The following FBXL16 variants were observed in gnomAD, a reference collection of about 807,000 sequenced individuals.
FBXL16 encodes the protein F-box and leucine rich repeat protein 16, also known as F-box/LRR-repeat protein 16.
In FBXL16, 7 loss-of-function variants were observed where a neutral mutation model predicts 36.7. That is an observed-to-expected ratio of 0.19 (90% CI 0.11 to 0.36). The LOEUF is 0.36. Ranked by LOEUF, FBXL16 falls within the 10% of genes least tolerant of loss-of-function variation. FBXL16 has a pLI of 1.00. For missense variants in FBXL16, 463 were observed against 659.4 expected (o/e 0.70, Z 3.26); for synonymous variants, 355 against 308.7 (o/e 1.15, Z -1.57).
intron 3 of FBXL16, 62 bp downstream of exon 3, chr16:695,343 AGCCCCGCCCC>A (rs947863380): frequency 3.6e-5 from 34 of 944,886 alleles, no homozygotes; most frequent in Admixed American, 5.7e-5. Context: ...GGCCCCGTGC[AGCCCCGCCCC>A]GCCCCGCCCC....
chr16:697,296 T>C lies in FBXL16; in HGVS notation c.110A>G (p.Lys37Arg). Residue 37 changes from lysine (K) to arginine (R), a missense_variant, in exon 2 of 6, where the codon AAG becomes AGG. Lys to Arg is a conservative substitution (Grantham distance 26). Around this residue, in one of 3 missense-constraint regions of FBXL16, gnomAD observed 263 missense variants for 341.1 expected, o/e 0.77. Coordinates refer to ENST00000397621, the MANE Select transcript of FBXL16 (RefSeq NM_153350.4). This position sits in a 1 kb window ranked among gnomAD's most constrained non-coding sequence, Gnocchi z 4.6. ...GCGGTTCTTGGTGGCTGGCGTGCCC[T>C]TGGTGATGCTGGCCGCACCCAGGCC... is the stretch of plus-strand genomic sequence containing the variant. ...PNGLGAASIT[K>R]GTPATKNRPC... is the part of the protein sequence containing the mutation. 6.5e-7 allele frequency: 1 copy of C among 1,531,434 alleles called. No homozygotes were observed. The highest frequency in any genetic ancestry group is 8.7e-7 in the Non-Finnish European group (1 of 1,144,842). The allele number at this position is 1,531,434 out of a possible 1,614,324, so 94.9% of individuals were successfully genotyped here. A position where few individuals can be genotyped will look rare whatever the true frequency, so the allele number is the denominator to read the frequency against.
chr16:697,639 GGTAT>G lies in FBXL16; in HGVS notation c.-14-224_-14-221del, dbSNP rs1297609274. 6.6e-6 allele frequency among the ~76,000 whole-genome samples: 1 copy of G among 152,122 alleles called. No individual in the cohort carries two copies. The highest frequency in any genetic ancestry group is 1.9e-4 in the East Asian group (1 of 5,180). ...CTGGCAGCACTCACTGGGCACCTACGGTATGCACTGAGCCCAACCTTCATTGCCC... is the reference window on the plus strand; with the variant it reads ...CTGGCAGCACTCACTGGGCACCTACGGCACTGAGCCCAACCTTCATTGCCC... On this transcript the variant is annotated intron_variant, in intron 1 of 5. Transcript: ENST00000397621. This position sits in a 1 kb window ranked among gnomAD's most constrained non-coding sequence, Gnocchi z 4.6.
rs1366268000 is a variant in FBXL16 at position 694,124 on chromosome 16, G to A, written c.*151C>T. The A allele has an allele frequency of 7.0e-6, 3 of 430,802 alleles. No individual in the cohort carries two copies. Among genetic ancestry groups the A allele is most frequent in the Non-Finnish European group, 1.1e-5 (3 of 268,224 alleles). 26.7% of individuals were successfully genotyped at this position (430,802 alleles called of 1,614,324 possible). ...GGGCGGAGGGACCGAAGGTCGGGGAGGGGCTTTCCCTCGGCTCGCCCCGCC... is the reference window on the plus strand; with the variant it reads ...GGGCGGAGGGACCGAAGGTCGGGGAAGGGCTTTCCCTCGGCTCGCCCCGCC... On this transcript the variant is annotated 3_prime_UTR_variant, in exon 6 of 6. Transcript: ENST00000397621.
In FBXL16 at chr16:696,859, C is replaced by T; in HGVS notation, c.547G>A (p.Glu183Lys). Residue 183 changes from glutamate (E) to lysine (K), a missense_variant, in exon 2 of 6, where the codon GAG becomes AAG. Glu to Lys is a moderately conservative substitution (Grantham distance 56, BLOSUM62 1). Coordinates refer to ENST00000397621, the MANE Select transcript of FBXL16 (RefSeq NM_153350.4). ...GAGAGCGCATAGTTGTCAATGAACT[C>T]ACAGATGTCCAGGTCGGAGACGCCA... Reference protein sequence around the residue: ...LVGVSDLDICEFIDNYALSKK... With the variant: ...LVGVSDLDICKFIDNYALSKK... 6.2e-7 allele frequency: 1 copy of T among 1,607,742 alleles called. No homozygotes were observed.
Position 696,946 on chromosome 16 carries a change from C to T in FBXL16, c.460G>A (p.Glu154Lys), listed in dbSNP as rs2040016970. ...CCCTGCAGGTTCACGAACTCCTTCT[C>T]GCCACCAGGCAGCACGTTGTAGAGC... is the stretch of plus-strand genomic sequence containing the variant. ...KELYNVLPGG[E>K]KEFVNLQGFA... The change falls in exon 2 of 6, where the codon GAG becomes AAG. Residue 154 changes from glutamate (E) to lysine (K), a missense_variant. By Grantham distance (56) the Glu-to-Lys change is moderately conservative (BLOSUM62 1). Transcript: ENST00000397621. 3.1e-6 allele frequency: 5 copies of T among 1,603,824 alleles called. No individual in the cohort carries two copies. Among genetic ancestry groups the T allele is most frequent in the South Asian group, 2.2e-5 (2 of 89,326 alleles).
chr16:694,519 G>A, intron 5 of FBXL16, 96 bp from the exon 6 acceptor site: 1 of 1,511,158 alleles, frequency 6.6e-7, no homozygotes, highest in Non-Finnish European at 8.9e-7. Context: ...CTCGGACCCG[G>A]GACTGTGTGT....
chr16:694,178 T>C lies in FBXL16; in HGVS notation c.*97A>G, dbSNP rs2039992271. On this transcript the variant is annotated 3_prime_UTR_variant, in exon 6 of 6. Coordinates refer to ENST00000397621, the MANE Select transcript of FBXL16 (RefSeq NM_153350.4). ...CGCGCTGGGCCGGGGGCGCGGGGGCTCCCCCGAGCGCAAGGCGGGAAGAGG... is the reference window on the plus strand; with the variant it reads ...CGCGCTGGGCCGGGGGCGCGGGGGCCCCCCCGAGCGCAAGGCGGGAAGAGG... The C allele has an allele frequency of 1.2e-6, 1 of 867,332 alleles. No individual in the cohort carries two copies. The highest frequency in any genetic ancestry group is 1.5e-6 in the Non-Finnish European group (1 of 657,430). 53.7% of individuals were successfully genotyped at this position (867,332 alleles called of 1,614,324 possible).
At chr16:703,378 C>A (rs2040070246) in intron 1 of FBXL16, among the ~76,000 whole-genome samples, 1 of 152,210 alleles carries the variant, frequency 6.6e-6, no homozygotes, top group African/African-American at 2.4e-5. Flanking sequence ...TCTCTGTCAG[C>A]ACCAGACTGG....
chr16:697,204 C>T lies in FBXL16; in HGVS notation c.202G>A (p.Ala68Thr). Reference sequence around the variant, plus strand: ...GGGGTGCACGGGCCCCCAGCCAGGGCAGCCCGGGACAGTGGAGCAGCCAGG... The same window carrying T: ...GGGGTGCACGGGCCCCCAGCCAGGGTAGCCCGGGACAGTGGAGCAGCCAGG... ...PSLAAPLSRA[A>T]LAGGPCTPAG... Residue 68 changes from alanine to threonine, a missense_variant, in exon 2 of 6, where the codon GCC becomes ACC. Physicochemically the swap from Ala to Thr is moderately conservative, Grantham distance 58. This residue lies in a region of FBXL16 where 263 missense variants were observed against 341.1 expected (regional missense o/e 0.77). Coordinates refer to ENST00000397621, the MANE Select transcript of FBXL16 (RefSeq NM_153350.4). This position sits in a 1 kb window ranked among gnomAD's most constrained non-coding sequence, Gnocchi z 4.6. 1 of 1,454,954 alleles carries T rather than the reference C, an allele frequency of 6.9e-7. No homozygotes were observed. Among genetic ancestry groups the T allele is most frequent in the Non-Finnish European group, 9.1e-7 (1 of 1,099,492 alleles). The allele number at this position is 1,454,954 out of a possible 1,614,324, so 90.1% of individuals were successfully genotyped here.
At chr16:696,515 C>T (rs544123268) in intron 2 of FBXL16, among the ~76,000 whole-genome samples, 72 of 152,336 alleles carry the variant, frequency 4.7e-4, no homozygotes, top group African/African-American at 1.6e-3. Context: ...TGGCCTGCCT[C>T]GGCCTCCCAT....
chr16:703,390 G>A (rs1414716276), intron 1 of FBXL16, among the ~76,000 whole-genome samples: 1 of 152,066 alleles, frequency 6.6e-6, no homozygotes. Flanking sequence ...CCAGACTGGG[G>A]CACAGCCTAA....
Position 694,390 on chromosome 16 carries a change from C to G in FBXL16, c.1325G>C (p.Gly442Ala). The G allele has an allele frequency of 6.5e-7, 1 of 1,543,534 alleles. No individual in the cohort carries two copies. Among genetic ancestry groups the G allele is most frequent in the Admixed American group, 2.2e-5 (1 of 45,312 alleles). ...CPLLTTTGLS[G>A]LVQLQELEEL... ...CTCCAGCTCCTGCAGCTGCACCAGG[C>G]CCGACAGCCCGGTGGTGGTGAGCAG... The change falls in exon 6 of 6, where the codon GGC (glycine) becomes GCC (alanine). Residue 442 changes from glycine (G) to alanine (A), a missense_variant. Around this residue, in one of 3 missense-constraint regions of FBXL16, gnomAD observed 134 missense variants for 172.0 expected, o/e 0.78. Coordinates refer to ENST00000397621, the MANE Select transcript of FBXL16 (RefSeq NM_153350.4).
At chr16:695,368 AGCCCCGCCCGGCCCAGCCCC>A in intron 3 of FBXL16, 27 bp downstream of exon 3, 1 of 1,300,434 alleles carries the variant, frequency 7.7e-7, no homozygotes, top group Non-Finnish European at 9.8e-7. Flanking sequence ...CGCCCCGTGC[AGCCCCGCCCGGCCCAGCCCC>A]GCCCGGCGCG....
intron 1 of FBXL16, among the ~76,000 whole-genome samples, chr16:704,417 C>T (rs1408573543): frequency 6.6e-6 from 1 of 152,080 alleles, no homozygotes; most frequent in East Asian, 1.9e-4. Flanking sequence ...CAAGTGAGTC[C>T]TAGGGTTCCC....
chr16:697,127 C>T lies in FBXL16; in HGVS notation c.279G>A (p.Pro93=), dbSNP rs540868209. The change falls in exon 2 of 6, where the codon CCG becomes CCA. Residue 93 remains proline, a synonymous_variant. Transcript: ENST00000397621. The surrounding 1 kb of genome is among the most constrained non-coding windows in gnomAD (Gnocchi z 4.6). Reference sequence around the variant, plus strand: ...GGATCTTCTCGTCCGTGGCCAGCGGCGGCCGCTCCGCTGGGTGCCCAGGTG... The same window carrying T: ...GGATCTTCTCGTCCGTGGCCAGCGGTGGCCGCTCCGCTGGGTGCCCAGGTG... ...ALAPGHPAER[P]PLATDEKILN... 2.5e-5 allele frequency: 40 copies of T among 1,604,196 alleles called. 1 individual carries two copies. Among genetic ancestry groups the T allele is most frequent in the East Asian group, 1.3e-4 (6 of 44,702 alleles).
At position 695,082 on chromosome 16, in the gene FBXL16, G is replaced by A. The variant is rs1314429477; in HGVS notation, c.1143-6C>T. 6.2e-7 allele frequency: 1 copy of A among 1,605,816 alleles called. No homozygotes were observed. The highest frequency in any genetic ancestry group is 8.5e-7 in the Non-Finnish European group (1 of 1,176,468). ...TGTCCGTGATGCGTACACACCTGTGGTTGCACCAGAGGGGACCCCCACCTT... is the reference window on the plus strand; with the variant it reads ...TGTCCGTGATGCGTACACACCTGTGATTGCACCAGAGGGGACCCCCACCTT... On this transcript the variant is annotated splice_polypyrimidine_tract_variant and splice_region_variant and intron_variant, in intron 3 of 5. Transcript: ENST00000397621.
At position 697,425 on chromosome 16, in the gene FBXL16, G is replaced by C; in HGVS notation, c.-14-6C>G. 1.3e-6 allele frequency: 2 copies of C among 1,524,670 alleles called. No homozygotes were observed. Among genetic ancestry groups the C allele is most frequent in the Non-Finnish European group, 1.8e-6 (2 of 1,140,858 alleles). The allele number at this position is 1,524,670 out of a possible 1,614,324, so 94.4% of individuals were successfully genotyped here. On this transcript the variant is annotated splice_region_variant and splice_polypyrimidine_tract_variant and intron_variant, in intron 1 of 5. Transcript: ENST00000397621. The surrounding 1 kb of genome is among the most constrained non-coding windows in gnomAD (Gnocchi z 4.6). ...CGACATCTTCCTGGCACGCTCTGTG[G>C]ATGAGGGCCGGGAGGGGGAGTGAGT...
chr16:695,720 G>C lies in FBXL16; in HGVS notation c.837C>G (p.His279Gln). The C allele has an allele frequency of 6.2e-7, 1 of 1,603,794 alleles. No individual in the cohort carries two copies. The highest frequency in any genetic ancestry group is 8.5e-7 in the Non-Finnish European group (1 of 1,178,530). ...AGTAGGCCAGCGCCGTGTCCGTCAC[G>C]TGGTAGGCCTGCAGGCTCAGCTCCG... ...NLAELSLQAY[H>Q]VTDTALAYFT... is the part of the protein sequence containing the mutation. The change falls in exon 3 of 6, where the codon CAC becomes CAG. Residue 279 changes from histidine to glutamine, a missense_variant. By Grantham distance (24) the His-to-Gln change is conservative. This residue lies in a region of FBXL16 where 66 missense variants were observed against 146.3 expected (regional missense o/e 0.45). Transcript: ENST00000397621.
In FBXL16 at chr16:697,494, G is replaced by A. The variant is rs1036274690; in HGVS notation, c.-14-75C>T. 41 of 1,455,912 alleles carry A rather than the reference G, an allele frequency of 2.8e-5. No homozygotes were observed. In the African/African-American group the frequency reaches 5.4e-4, roughly 19 times the overall value. The allele number at this position is 1,455,912 out of a possible 1,614,324, so 90.2% of individuals were successfully genotyped here. A position where few individuals can be genotyped will look rare whatever the true frequency, so the allele number is the denominator to read the frequency against. On this transcript the variant is annotated intron_variant, in intron 1 of 5. Transcript: ENST00000397621. The surrounding 1 kb of genome is among the most constrained non-coding windows in gnomAD (Gnocchi z 4.6). Reference sequence around the variant, plus strand: ...GGCCGGGGTTGGGGGCGGGTGCAGTGGGGCTCCTTCCCTCCTTGGGCGTCC... The same window carrying A: ...GGCCGGGGTTGGGGGCGGGTGCAGTAGGGCTCCTTCCCTCCTTGGGCGTCC...
Sources: gnomAD v4.1 joint callset for allele counts (sites outside exome capture counted in the v4.1 genomes callset) on GRCh38, gnomAD v4.1.1 for gene constraint, gnomAD v4.1.1 regional missense constraint, Gnocchi (gnomAD v3.1) non-coding constraint, MANE v1.5 for transcripts, NCBI Gene and HGNC (gene_info 2026-07-23, HGNC 2026-07-21) for gene names.